The following MYOM1 variants were observed in gnomAD, a reference collection of about 807,000 sequenced individuals.
MYOM1 encodes the protein myomesin-1.
Under a neutral mutation model 205.3 loss-of-function variants are expected in MYOM1, and 164 were observed. The observed-to-expected ratio is 0.80, with a 90% CI of 0.70 to 0.91. The LOEUF (loss-of-function observed/expected upper bound fraction) is 0.91. Ranked by LOEUF, MYOM1 falls within the 40% of genes least tolerant of loss-of-function variation. MYOM1 has a pLI of 0.00. For missense variants in MYOM1, 2,011 were observed against 2,127.3 expected, an observed-to-expected ratio of 0.95 and a Z score of 1.08; for synonymous variants, 772 against 789.4, an observed-to-expected ratio of 0.98 and a Z score of 0.37.
Position 3,100,362 on chromosome 18 carries a change from C to T in MYOM1, c.3640G>A (p.Asp1214Asn). The T allele has an allele frequency of 6.2e-7, 1 of 1,613,972 alleles. No individual in the cohort carries two copies. The change falls in exon 24 of 38, where the codon GAC (aspartate) becomes AAC (asparagine). Residue 1214 changes from aspartate to asparagine, a missense_variant. Asp to Asn is a conservative substitution (Grantham distance 23, BLOSUM62 1). Coordinates refer to ENST00000356443, the MANE Select transcript of MYOM1 (RefSeq NM_003803.4). The stretch of plus-strand genomic sequence containing the variant: ...TAGCTTGATGCTATTCCATCAGTGT[C>T]TGTTACATCGCAAGAGTAAATACCC... ...DLGIYSCDVT[D>N]TDGIASSYLI...
chr18:3,160,948 G>A (rs561771484), intron 10 of MYOM1, among the ~76,000 whole-genome samples: 2 of 152,298 alleles, frequency 1.3e-5, no homozygotes, highest in East Asian at 3.9e-4. Flanking sequence ...CTGGGTCAGG[G>A]TTCCTAGAAA....
At chr18:3,171,116 A>G (rs1345097106) in intron 8 of MYOM1, among the ~76,000 whole-genome samples, 2 of 152,172 alleles carry the variant, frequency 1.3e-5, no homozygotes, top group Non-Finnish European at 2.9e-5. Flanking sequence ...AACTGACCAC[A>G]TTCCCCTGCA....
At chr18:3,114,645 A>T (rs1293784909) in intron 21 of MYOM1, among the ~76,000 whole-genome samples, 3 of 150,428 alleles carry the variant, frequency 2.0e-5, no homozygotes, top group Non-Finnish European at 2.9e-5. Context: ...TGGCCTCCCA[A>T]AGCCCTGGGA....
At chr18:3,098,126 C>T (rs1375935710) in intron 25 of MYOM1, among the ~76,000 whole-genome samples, 3 of 152,202 alleles carry the variant, frequency 2.0e-5, no homozygotes, top group Non-Finnish European at 2.9e-5. Context: ...GAAAGTACAA[C>T]CATCTTATGT....
intron 2 of MYOM1, among the ~76,000 whole-genome samples, chr18:3,204,877 G>A (rs942010384): frequency 2.0e-5 from 3 of 151,942 alleles, no homozygotes; most frequent in Admixed American, 1.3e-4. Flanking sequence ...ATAGATTAAG[G>A]GAACAGAATT....
intron 18 of MYOM1, 126 bp downstream of exon 18, chr18:3,129,106 T>A (rs1410279432): frequency 8.0e-7 from 1 of 1,250,892 alleles, no homozygotes; most frequent in Non-Finnish European, 1.1e-6. Flanking sequence ...GATGGCTAGC[T>A]GAAAACACAT....
intron 8 of MYOM1, among the ~76,000 whole-genome samples, chr18:3,172,888 A>G (rs1162824493): frequency 6.6e-6 from 1 of 152,210 alleles, no homozygotes; most frequent in East Asian, 1.9e-4. Flanking sequence ...TTGCTCTACC[A>G]GTCATCCCTT....
At chr18:3,096,937 A>G (rs1031624570) in intron 25 of MYOM1, among the ~76,000 whole-genome samples, 6 of 152,026 alleles carry the variant, frequency 3.9e-5, no homozygotes, top group Admixed American at 3.9e-4. Flanking sequence ...GTGCATTTCT[A>G]TTTTTTCTAT....
the MYOM1 span, among the ~76,000 whole-genome samples, chr18:3,237,283 C>T: frequency 6.6e-6 from 1 of 152,038 alleles, no homozygotes; most frequent in African/African-American, 2.4e-5. Flanking sequence ...GTATACATAT[C>T]GTGGAATATC....
chr18:3,206,675 C>T (rs1259676135), intron 2 of MYOM1, among the ~76,000 whole-genome samples: 1 of 152,170 alleles, frequency 6.6e-6, no homozygotes, highest in East Asian at 1.9e-4. Context: ...TCCCGGTGGC[C>T]TAACACCTAC....
chr18:3,155,938 A>G (rs372320129), intron 10 of MYOM1, among the ~76,000 whole-genome samples: 7 of 152,334 alleles, frequency 4.6e-5, no homozygotes, highest in African/African-American at 1.7e-4. Context: ...AAGAACTCCA[A>G]TGCAATACTC....
At chr18:3,081,641 C>A (rs1380266060) in intron 33 of MYOM1, among the ~76,000 whole-genome samples, 1 of 152,156 alleles carries the variant, frequency 6.6e-6, no homozygotes, top group Non-Finnish European at 1.5e-5. Flanking sequence ...ATTCTTCAGA[C>A]TGATATATTA....
chr18:3,223,572 T>G (rs2081340594), upstream of MYOM1, among the ~76,000 whole-genome samples: 1 of 152,216 alleles, frequency 6.6e-6, no homozygotes, highest in Admixed American at 6.5e-5. Flanking sequence ...ATCTGTAAAC[T>G]AAAGGGCTTA....
rs1334296466 is a variant in MYOM1, at chr18:3,215,116, G to A, written c.108C>T (p.Ser36=). 4 of 1,613,898 alleles carry A rather than the reference G, an allele frequency of 2.5e-6. No individual in the cohort carries two copies. Among genetic ancestry groups the A allele is most frequent in the African/African-American group, 2.7e-5 (2 of 75,066 alleles). ...CCGTGGAGCCCTGGGTGTAGACGGC[G>A]GAGCGTTTCTTCTCCCGCTGGTAGT... ...VSHYQREKKR[S]AVYTQGSTAY... Residue 36 remains serine, a synonymous_variant, in exon 2 of 38, where the codon TCC becomes TCT. Coordinates refer to ENST00000356443, the MANE Select transcript of MYOM1 (RefSeq NM_003803.4).
intron 2 of MYOM1, among the ~76,000 whole-genome samples, chr18:3,203,341 A>G (rs533943143): frequency 1.9e-4 from 29 of 151,740 alleles, no homozygotes; most frequent in African/African-American, 6.5e-4. Flanking sequence ...TTAATGAAAC[A>G]AAAGTTGGTT....
rs1261748956 is a variant in MYOM1 at position 3,189,257 on chromosome 18, T to C, written c.432-170A>G. On this transcript the variant is annotated intron_variant, in intron 3 of 37. Transcript: ENST00000356443. The surrounding 1 kb of genome is among the most constrained non-coding windows in gnomAD (Gnocchi z 4.8). ...AGCTGACACTTCATGTACAGAAGTA[T>C]TCCTCACCTTAACAAATAACAACAA... is the stretch of plus-strand genomic sequence containing the variant. Among the ~76,000 whole-genome samples the C allele has an allele frequency of 6.6e-6, 1 of 152,120 alleles. No homozygotes were observed. Among genetic ancestry groups the C allele is most frequent in the Non-Finnish European group, 1.5e-5 (1 of 68,018 alleles).
intron 12 of MYOM1, among the ~76,000 whole-genome samples, chr18:3,149,608 T>C (rs527347028): frequency 3.2e-4 from 49 of 152,226 alleles, no homozygotes; most frequent in African/African-American, 1.1e-3. Context: ...TTTATTGTCA[T>C]AATAAGATGA....
intron 2 of MYOM1, among the ~76,000 whole-genome samples, chr18:3,196,637 C>G (rs2080992146): frequency 1.3e-5 from 2 of 152,290 alleles, no homozygotes; most frequent in South Asian, 2.1e-4. Context: ...GTAACTGTAT[C>G]TATATCTAGG....
At chr18:3,151,478 A>T (rs1313772713) in intron 12 of MYOM1, among the ~76,000 whole-genome samples, 2 of 85,574 alleles carry the variant, frequency 2.3e-5, no homozygotes, top group Admixed American at 1.2e-4. Flanking sequence ...TAAAATAAAT[A>T]AAATAAAATA....
Sources: allele counts gnomAD v4.1 joint callset (sites outside exome capture counted in the v4.1 genomes callset), GRCh38; gene constraint gnomAD v4.1.1; non-coding constraint Gnocchi (gnomAD v3.1); transcripts MANE v1.5; gene names NCBI Gene and HGNC (gene_info 2026-07-23, HGNC 2026-07-21).